The following GNAQ variants were observed in gnomAD, a reference collection of about 807,000 sequenced individuals.
GNAQ encodes guanine nucleotide-binding protein G(q) subunit alpha.
GNAQ carries 8 observed loss-of-function variants against 43.9 expected under a neutral mutation model. That is an observed-to-expected ratio of 0.18 (90% CI 0.11 to 0.33). GNAQ has a LOEUF of 0.33. GNAQ is among the 10% of genes least tolerant of loss of function. The probability of loss-of-function intolerance (pLI) is 1.00; values close to 1 mark genes in which losing one functional copy is unlikely to be tolerated. For synonymous variants in GNAQ, 155 were observed against 170.7 expected, an observed-to-expected ratio of 0.91 and a Z score of 0.71; for missense variants, 158 against 450.8, an observed-to-expected ratio of 0.35 and a Z score of 5.88.
chr9:77,918,048 G>A (rs879363856), intron 2 of GNAQ, among the ~76,000 whole-genome samples: 5 of 152,120 alleles, frequency 3.3e-5, no homozygotes, highest in Non-Finnish European at 5.9e-5. Flanking sequence ...AACCAGGCAG[G>A]ACTCTCGGTT....
At chr9:77,989,585 C>T (rs903440343) in intron 1 of GNAQ, among the ~76,000 whole-genome samples, 2 of 152,208 alleles carry the variant, frequency 1.3e-5, no homozygotes, top group South Asian at 4.1e-4. Context: ...AGTCTGGCTG[C>T]ATATGGCTGT....
chr9:77,992,858 T>A (rs922411015), intron 1 of GNAQ, among the ~76,000 whole-genome samples: 1 of 152,064 alleles, frequency 6.6e-6, no homozygotes, highest in African/African-American at 2.4e-5. Context: ...GGAAGAAGAA[T>A]TGCTCGAACC....
At chr9:77,741,612 G>C (rs764965431) in intron 5 of GNAQ, among the ~76,000 whole-genome samples, 8 of 152,054 alleles carry the variant, frequency 5.3e-5, no homozygotes, top group Non-Finnish European at 5.9e-5. Flanking sequence ...TTAGTGTCAG[G>C]GCAGTATATT....
At chr9:78,009,562 G>C (rs1222293313) in intron 1 of GNAQ, among the ~76,000 whole-genome samples, 1 of 152,190 alleles carries the variant, frequency 6.6e-6, no homozygotes, top group African/African-American at 2.4e-5. Flanking sequence ...TGGAGATACA[G>C]AATGACAGAC....
intron 5 of GNAQ, among the ~76,000 whole-genome samples, chr9:77,759,894 TTTTC>T (rs146992217): frequency 8.8e-5 from 13 of 147,224 alleles, no homozygotes; most frequent in South Asian, 4.3e-4. Flanking sequence ...CTCTCTCTTT[TTTTC>T]TTTCTTTCTT....
chr9:77,984,353 G>A (rs1227319622), intron 1 of GNAQ, among the ~76,000 whole-genome samples: 1 of 151,886 alleles, frequency 6.6e-6, no homozygotes, highest in Non-Finnish European at 1.5e-5. Context: ...ATTCTTTGTA[G>A]AGATGGGGTC....
intron 2 of GNAQ, among the ~76,000 whole-genome samples, chr9:77,880,555 GTTTT>G (rs55926441): frequency 7.1e-6 from 1 of 141,486 alleles, no homozygotes; most frequent in Non-Finnish European, 1.5e-5. Flanking sequence ...GATTTTTTCT[GTTTT>G]TTTTTTTTTG....
intron 5 of GNAQ, among the ~76,000 whole-genome samples, chr9:77,758,322 G>A (rs1825935645): frequency 6.6e-6 from 1 of 152,110 alleles, no homozygotes; most frequent in African/African-American, 2.4e-5. Flanking sequence ...TATAAGGGTT[G>A]AAACAACAAC....
At chr9:78,007,422 C>T (rs953040574) in intron 1 of GNAQ, among the ~76,000 whole-genome samples, 1 of 151,134 alleles carries the variant, frequency 6.6e-6, no homozygotes, top group Admixed American at 6.6e-5. Context: ...AGCAAGCCAC[C>T]CACTAGAAAA....
intron 2 of GNAQ, among the ~76,000 whole-genome samples, chr9:77,836,483 T>C (rs1431004723): frequency 1.3e-5 from 2 of 152,014 alleles, no homozygotes; most frequent in African/African-American, 4.8e-5. Flanking sequence ...TTTTAAATTA[T>C]ACACCAAACC....
At chr9:77,915,126 A>G (rs1306311621) in intron 2 of GNAQ, among the ~76,000 whole-genome samples, 1 of 152,222 alleles carries the variant, frequency 6.6e-6, no homozygotes, top group Non-Finnish European at 1.5e-5. Context: ...GAGGTTGTCT[A>G]GTACATTCCT....
intron 2 of GNAQ, among the ~76,000 whole-genome samples, chr9:77,871,351 C>G (rs1203386706): frequency 6.6e-6 from 1 of 152,100 alleles, no homozygotes; most frequent in Non-Finnish European, 1.5e-5. Flanking sequence ...TACTTAGGAT[C>G]CAGGGATAAG....
intron 2 of GNAQ, among the ~76,000 whole-genome samples, chr9:77,874,559 C>T (rs988658831): frequency 1.3e-5 from 2 of 152,124 alleles, no homozygotes; most frequent in Non-Finnish European, 2.9e-5. Context: ...CCCTCAAAAT[C>T]CCTTGAATTC....
chr9:77,938,285 T>C (rs940843294), intron 1 of GNAQ, among the ~76,000 whole-genome samples: 1 of 152,204 alleles, frequency 6.6e-6, no homozygotes, highest in African/African-American at 2.4e-5. Context: ...GAAGATCAAC[T>C]ATATATATTT....
At chr9:77,747,509 T>C (rs1825749580) in intron 5 of GNAQ, among the ~76,000 whole-genome samples, 1 of 152,156 alleles carries the variant, frequency 6.6e-6, no homozygotes, top group Non-Finnish European at 1.5e-5. Flanking sequence ...TTCTAAGACA[T>C]TATCTAGCTT....
chr9:77,838,669 C>T (rs1246252803), intron 2 of GNAQ, among the ~76,000 whole-genome samples: 2 of 151,606 alleles, frequency 1.3e-5, no homozygotes, highest in Admixed American at 6.6e-5. Flanking sequence ...CCACCCACCT[C>T]GGCCTTGCAA....
chr9:77,933,771 G>A (rs951363144), intron 1 of GNAQ, among the ~76,000 whole-genome samples: 2 of 152,104 alleles, frequency 1.3e-5, no homozygotes, highest in Admixed American at 6.5e-5. Flanking sequence ...TTTAAGCAGC[G>A]AGGACCCTTC....
intron 2 of GNAQ, among the ~76,000 whole-genome samples, chr9:77,915,073 G>A (rs1828875692): frequency 6.6e-6 from 1 of 152,158 alleles, no homozygotes. Context: ...GTTTCAGAAT[G>A]AGAAAATCAA....
chr9:77,853,287 T>C (rs962964364), intron 2 of GNAQ, among the ~76,000 whole-genome samples: 1 of 152,188 alleles, frequency 6.6e-6, no homozygotes, highest in African/African-American at 2.4e-5. Context: ...AACTTCTTAG[T>C]TCCTCATCTG....
Sources: gnomAD v4.1 joint callset for allele counts (sites outside exome capture counted in the v4.1 genomes callset) on GRCh38, gnomAD v4.1.1 for gene constraint, MANE v1.5 for transcripts, NCBI Gene and HGNC (gene_info 2026-07-23, HGNC 2026-07-21) for gene names.